KANK2: variants seen among roughly 807,000 people sequenced by gnomAD.
The protein encoded by KANK2 is KN motif and ankyrin repeat domains 2.
In KANK2, 41 loss-of-function variants were observed where a neutral mutation model predicts 74.6. The ratio of observed to expected loss-of-function variants is 0.55; its 90% CI spans 0.43 to 0.71. The LOEUF is 0.71. KANK2 is among the 30% of genes least tolerant of loss of function. The pLI is 0.00. For synonymous variants in KANK2, 537 were observed against 519.0 expected (o/e 1.03, Z -0.47); for missense variants, 1,148 against 1,196.4 (o/e 0.96, Z 0.60).
intron 4 of KANK2, among the ~76,000 whole-genome samples, chr19:11,181,088 CAAAAAAAAAAAAA>C (rs752985367): frequency 0.19 from 4,480 of 24,116 alleles, 145 homozygotes; most frequent in South Asian, 0.26. Context: ...CTCTTGTCTC[CAAAAAAAAAAAAA>C]AAAAAAAAAA....
intron 5 of KANK2, 21 bp from the exon 6 acceptor site, chr19:11,178,468 G>A (rs1381241697): frequency 6.2e-7 from 1 of 1,601,378 alleles, no homozygotes; most frequent in Non-Finnish European, 8.5e-7. Flanking sequence ...GGACAGCGGA[G>A]GTGCTGTGAG....
At chr19:11,175,280 T>C (rs974554430) in intron 8 of KANK2, among the ~76,000 whole-genome samples, 2 of 151,488 alleles carry the variant, frequency 1.3e-5, no homozygotes, top group African/African-American at 4.8e-5. Context: ...TACAAAAAAT[T>C]AGCCAGACGT....
rs543925049 is a variant in KANK2 at position 11,164,950 on chromosome 19, T to G, written c.*1608A>C. The G allele has an allele frequency of 6.6e-6, 1 of 152,250 alleles. No homozygotes were observed. Among genetic ancestry groups the G allele is most frequent in the African/African-American group, 2.4e-5 (1 of 41,558 alleles). The allele number at this position is 152,250 out of a possible 1,614,324, so 9.4% of individuals were successfully genotyped here. ...CTTGCTGAAATGTGGCTTTAAAGCC[T>G]TGGAGGCTGAGCTCACTGGCCTCGA... On this transcript the variant is annotated 3_prime_UTR_variant, in exon 13 of 13. Transcript: ENST00000586659.
At chr19:11,194,399 G>T in intron 3 of KANK2, 76 bp downstream of exon 3, 2 of 1,221,044 alleles carry the variant, frequency 1.6e-6, no homozygotes, top group Non-Finnish European at 1.2e-6. Context: ...AGTCCCCAGG[G>T]CAAGGTCCCC....
At chr19:11,175,552 C>A (rs1237745481) in intron 8 of KANK2, among the ~76,000 whole-genome samples, 2 of 151,814 alleles carry the variant, frequency 1.3e-5, no homozygotes, top group Non-Finnish European at 2.9e-5. Context: ...TCCCAAAGCA[C>A]CAGGATGACA....
At chr19:11,167,022 G>T (rs532182084) in intron 12 of KANK2, among the ~76,000 whole-genome samples, 9 of 152,194 alleles carry the variant, frequency 5.9e-5, no homozygotes, top group African/African-American at 2.2e-4. Flanking sequence ...GAAGGTGAGG[G>T]TGGTTGTGCA....
intron 8 of KANK2, among the ~76,000 whole-genome samples, chr19:11,175,225 G>C (rs1191452979): frequency 2.0e-5 from 3 of 151,570 alleles, no homozygotes; most frequent in Non-Finnish European, 2.9e-5. Context: ...TCACGAGTTC[G>C]AGACCATCCT....
chr19:11,196,847 A>G (rs988465250), intron 1 of KANK2: 8 of 151,374 alleles, frequency 5.3e-5, no homozygotes, highest in African/African-American at 1.5e-4. Flanking sequence ...GGTCTCCCCA[A>G]CCCACCACCC....
Position 11,165,338 on chromosome 19 carries a change from T to C in KANK2, c.*1220A>G, listed in dbSNP as rs2078001006. 1 of 152,178 alleles carries C rather than the reference T, an allele frequency of 6.6e-6. No homozygotes were observed. Among genetic ancestry groups the C allele is most frequent in the East Asian group, 1.9e-4 (1 of 5,198 alleles). 9.4% of individuals were successfully genotyped at this position (152,178 alleles called of 1,614,324 possible). ...GTTTTTGGGAGCCGGCCCTGCGTTT[T>C]GCCAACAAGCGCATGCCCTGTTTTC... On this transcript the variant is annotated 3_prime_UTR_variant, in exon 13 of 13. Coordinates refer to ENST00000586659, the MANE Select transcript of KANK2 (RefSeq NM_001136191.3).
intron 12 of KANK2, among the ~76,000 whole-genome samples, chr19:11,168,224 G>A (rs1248776647): frequency 6.6e-6 from 1 of 151,446 alleles, no homozygotes; most frequent in East Asian, 1.9e-4. Flanking sequence ...GCCTGGTCTT[G>A]AACCCCTTAT....
chr19:11,191,326 A>C (rs1279384466), intron 4 of KANK2, among the ~76,000 whole-genome samples: 6 of 152,376 alleles, frequency 3.9e-5, no homozygotes, highest in Non-Finnish European at 5.9e-5. Context: ...GGCGTGAGCC[A>C]CTGCGCCCGG....
intron 4 of KANK2, 46 bp from the exon 5 acceptor site, chr19:11,178,766 A>T: frequency 6.8e-7 from 1 of 1,472,814 alleles, no homozygotes. Context: ...ATAAAAGCCA[A>T]ACCACCACAG....
rs113417032 is a variant in KANK2, at chr19:11,176,778, G to A, written c.1560C>T (p.Asn520=). 280 of 1,586,086 alleles carry A rather than the reference G, an allele frequency of 1.8e-4. 1 individual carries two copies. The African/African-American group carries it at 3.3e-3, about 19-fold the overall frequency. The change falls in exon 7 of 13, where the codon AAC becomes AAT. Residue 520 remains asparagine, a synonymous_variant. Coordinates refer to ENST00000586659, the MANE Select transcript of KANK2 (RefSeq NM_001136191.3). The part of the protein sequence containing the change: ...SSSEDSSTAE[N]ISDNDSTENE... ...TCTCTGTGCTGTCGTTGTCTGAGATGTTCTCTGCTGTGCTGGAGTCCTCGG... is the reference window on the plus strand; with the variant it reads ...TCTCTGTGCTGTCGTTGTCTGAGATATTCTCTGCTGTGCTGGAGTCCTCGG...
At position 11,166,532 on chromosome 19, in the gene KANK2, C is replaced by G; in HGVS notation, c.*26G>C. 2 of 1,610,762 alleles carry G rather than the reference C, an allele frequency of 1.2e-6. No homozygotes were observed. The highest frequency in any genetic ancestry group is 2.2e-5 in the South Asian group (2 of 91,028). On this transcript the variant is annotated 3_prime_UTR_variant, in exon 13 of 13. Coordinates refer to ENST00000586659, the MANE Select transcript of KANK2 (RefSeq NM_001136191.3). ...GGACAAGGGACGGTTTGCTCCCGGT[C>G]TGGCTGGTCCCCGCCTCCCTCACGG...
At chr19:11,186,582 T>C (rs12974711) in intron 4 of KANK2, among the ~76,000 whole-genome samples, 10,205 of 147,224 alleles carry the variant, frequency 0.069, 395 homozygotes, top group Admixed American at 0.094. Flanking sequence ...GCCTGTAATC[T>C]CAGCTACTCG....
chr19:11,188,367 C>A (rs1404885755), intron 4 of KANK2, among the ~76,000 whole-genome samples: 2 of 151,414 alleles, frequency 1.3e-5, no homozygotes, highest in African/African-American at 4.9e-5. Flanking sequence ...TGCCACCACA[C>A]CTGGCTAATT....
rs116804304 is a variant in KANK2 at position 11,168,150 on chromosome 19, G to A, written c.2503-1539C>T. Among the ~76,000 whole-genome samples, 1,330 of 151,300 alleles carry A rather than the reference G, an allele frequency of 8.8e-3. 17 individuals carry two copies. Among genetic ancestry groups the A allele is most frequent in the African/African-American group, 0.031 (1,260 of 41,262 alleles). On this transcript the variant is annotated intron_variant, in intron 12 of 12. Coordinates refer to ENST00000586659, the MANE Select transcript of KANK2 (RefSeq NM_001136191.3). The stretch of plus-strand genomic sequence containing the variant: ...CCAGAATAGCTGAGATTAAAGGCAT[G>A]CGCCACCACACCCGGCTAATATTTT...
Position 11,178,607 on chromosome 19 carries a change from T to C in KANK2, c.1363A>G (p.Arg455Gly), listed in dbSNP as rs764504480. The C allele has an allele frequency of 1.2e-6, 2 of 1,602,046 alleles. No individual in the cohort carries two copies. Among genetic ancestry groups the C allele is most frequent in the South Asian group, 2.2e-5 (2 of 89,508 alleles). ...GRVPTQEPTH[R>G]EPTRQAASQE... ...GAGGCTGCTTGCCTGGTGGGCTCCC[T>C]GTGGGTGGGCTCCTGGGTGGGCACT... The change falls in exon 5 of 13, where the codon AGG (arginine) becomes GGG (glycine). Residue 455 changes from arginine to glycine, a missense_variant. Transcript: ENST00000586659.
chr19:11,192,783 GCC>G lies in KANK2; in HGVS notation c.1249+46_1249+47del, dbSNP rs35706290. On this transcript the variant is annotated intron_variant, in intron 4 of 12. Transcript: ENST00000586659. ...CAGGATGAGCCATGGGAAGAAAGAG[GCC>G]CCCCCCCCCCAAGCCATTCTCCCCT... 8.8e-3 allele frequency: 12,714 copies of G among 1,441,272 alleles called. 207 individuals are homozygous for G. Among genetic ancestry groups the G allele is most frequent in the African/African-American group, 0.059 (4,006 of 68,394 alleles). The allele number at this position is 1,441,272 out of a possible 1,614,324, so 89.3% of individuals were successfully genotyped here. A position where few individuals can be genotyped will look rare whatever the true frequency, so the allele number is the denominator to read the frequency against.
Sources: gnomAD v4.1 joint callset for allele counts (sites outside exome capture counted in the v4.1 genomes callset) on GRCh38, gnomAD v4.1.1 for gene constraint, MANE v1.5 for transcripts, NCBI Gene and HGNC (gene_info 2026-07-23, HGNC 2026-07-21) for gene names.